CUX2: variants seen among roughly 807,000 people sequenced by gnomAD.
The protein encoded by CUX2 is homeobox protein cut-like 2.
A neutral mutation model predicts 144.8 loss-of-function variants in CUX2; 40 were observed. That is an observed-to-expected ratio of 0.28 (90% CI 0.21 to 0.36). The LOEUF is 0.36. CUX2 is among the 10% of genes least tolerant of loss of function. The pLI, the probability that CUX2 is intolerant of heterozygous loss-of-function variation, is 1.00. For synonymous variants in CUX2, 827 were observed against 875.6 expected (o/e 0.94, Z 0.98); for missense variants, 1,615 against 1,994.0 (o/e 0.81, Z 3.62).
chr12:111,049,269 C>G (rs1870150125), intron 1 of CUX2, among the ~76,000 whole-genome samples: 1 of 152,178 alleles, frequency 6.6e-6, no homozygotes, highest in Admixed American at 6.5e-5. Flanking sequence ...ATCCACCCAC[C>G]CATTCATCTA....
At chr12:111,343,903 A>C (rs1452857617) in intron 21 of CUX2, among the ~76,000 whole-genome samples, 2 of 152,168 alleles carry the variant, frequency 1.3e-5, no homozygotes, top group African/African-American at 2.4e-5. Flanking sequence ...TCTACTAAAA[A>C]TACAAAAGTT....
At chr12:111,282,865 C>T (rs993417326) in intron 4 of CUX2, among the ~76,000 whole-genome samples, 1 of 151,980 alleles carries the variant, frequency 6.6e-6, no homozygotes, top group African/African-American at 2.4e-5. Flanking sequence ...TTAATGTCCG[C>T]ACCTCCCCCC....
At position 111,318,238 on chromosome 12, in the gene CUX2, C is replaced by CTT. The variant is rs955839240; in HGVS notation, c.2003-1769_2003-1768dup. Among the ~76,000 whole-genome samples the CTT allele has an allele frequency of 8.5e-3, 936 of 109,538 alleles. 41 individuals are homozygous for CTT. The East Asian group carries it at 0.11, about 13-fold the overall frequency. The allele number at this position is 109,538 out of a possible 152,430, so 71.9% of individuals were successfully genotyped here. A position where few individuals can be genotyped will look rare whatever the true frequency, so the allele number is the denominator to read the frequency against. ...CACCATGCCTGGCTAATTTTTTTTTCTTTTTTCTTTTTTTTTTTTTTTTCA... is the reference window on the plus strand; with the variant it reads ...CACCATGCCTGGCTAATTTTTTTTTCTTTTTTTTCTTTTTTTTTTTTTTTTCA... On this transcript the variant is annotated intron_variant, in intron 16 of 21. Transcript: ENST00000261726.
chr12:111,115,479 G>A (rs1874241223), intron 1 of CUX2, among the ~76,000 whole-genome samples: 1 of 151,738 alleles, frequency 6.6e-6, no homozygotes, highest in Admixed American at 6.6e-5. Flanking sequence ...TAGAGATGGG[G>A]TTTCACCATG....
At chr12:111,334,344 G>GT (rs1888246445) in intron 18 of CUX2, 97 bp from the exon 19 acceptor site, 1 of 1,363,516 alleles carries the variant, frequency 7.3e-7, no homozygotes, top group African/African-American at 1.5e-5. Flanking sequence ...CAAAATGGGT[G>GT]TTTGGCAACT....
chr12:111,254,534 G>T (rs1370037649), intron 3 of CUX2, among the ~76,000 whole-genome samples: 1 of 152,192 alleles, frequency 6.6e-6, no homozygotes, highest in Admixed American at 6.5e-5. Context: ...ACTTCCACCT[G>T]TGAGTTCAGA....
intron 1 of CUX2, among the ~76,000 whole-genome samples, chr12:111,073,888 C>A (rs1200631450): frequency 2.0e-5 from 3 of 151,864 alleles, no homozygotes; most frequent in African/African-American, 7.3e-5. Context: ...TTGAGGAGTT[C>A]AAGGCTGCAG....
intron 1 of CUX2, among the ~76,000 whole-genome samples, chr12:111,199,789 T>A (rs1215644420): frequency 6.6e-6 from 1 of 152,066 alleles, no homozygotes; most frequent in Non-Finnish European, 1.5e-5. Flanking sequence ...TGTGTTTCTG[T>A]GTGTTTGTGT....
intron 20 of CUX2, among the ~76,000 whole-genome samples, chr12:111,340,923 G>C (rs1207250101): frequency 6.6e-6 from 1 of 152,180 alleles, no homozygotes; most frequent in Non-Finnish European, 1.5e-5. Flanking sequence ...GCGAAGTCCT[G>C]TTCCAGCCAG....
At chr12:111,192,523 C>T (rs538938293) in intron 1 of CUX2, among the ~76,000 whole-genome samples, 97 of 152,168 alleles carry the variant, frequency 6.4e-4, no homozygotes, top group Non-Finnish European at 1.2e-3. Flanking sequence ...CTTTTTCCTG[C>T]TTTCACTAGA....
intron 18 of CUX2, among the ~76,000 whole-genome samples, chr12:111,329,873 G>A (rs1013207015): frequency 6.6e-6 from 1 of 152,182 alleles, no homozygotes; most frequent in African/African-American, 2.4e-5. Context: ...CTGACCTCAG[G>A]TGATCCACCC....
intron 4 of CUX2, among the ~76,000 whole-genome samples, chr12:111,268,170 G>T (rs1405197853): frequency 6.6e-6 from 1 of 152,032 alleles, no homozygotes; most frequent in Non-Finnish European, 1.5e-5. Context: ...TTCATCTCAA[G>T]ATCCTTAATT....
rs774011801 is a variant in CUX2, at chr12:111,186,188, C to T, written c.64-28012C>T. Among the ~76,000 whole-genome samples the T allele has an allele frequency of 7.9e-5, 12 of 152,160 alleles. No individual in the cohort carries two copies. Among genetic ancestry groups the T allele is most frequent in the Non-Finnish European group, 1.5e-4 (10 of 68,040 alleles). On this transcript the variant is annotated intron_variant, in intron 1 of 21. Transcript: ENST00000261726. The surrounding 1 kb of genome is among the most constrained non-coding windows in gnomAD (Gnocchi z 4.4). The stretch of plus-strand genomic sequence containing the variant: ...CTCGGCATCCATCCTGCCTTCCCTT[C>T]CCTTCTCTCCTTTCCCACATCAGCT...
chr12:111,154,677 G>A (rs1432702991), intron 1 of CUX2, among the ~76,000 whole-genome samples: 1 of 152,200 alleles, frequency 6.6e-6, no homozygotes, highest in East Asian at 1.9e-4. Context: ...CCTGGGAGAT[G>A]GAGCTGTGCG....
chr12:111,130,078 C>A (rs184090082), intron 1 of CUX2, among the ~76,000 whole-genome samples: 2 of 152,318 alleles, frequency 1.3e-5, no homozygotes, highest in East Asian at 3.9e-4. Flanking sequence ...TTCCTCAGTG[C>A]ACAGTCACTC....
In CUX2 at chr12:111,295,591, C is replaced by T. The variant is rs1282110736; in HGVS notation, c.637+182C>T. Among the ~76,000 whole-genome samples, 3 of 152,152 alleles carry T rather than the reference C, an allele frequency of 2.0e-5. No homozygotes were observed. The highest frequency in any genetic ancestry group is 2.1e-4 in the South Asian group (1 of 4,828). On this transcript the variant is annotated intron_variant, in intron 7 of 21. Coordinates refer to ENST00000261726, the MANE Select transcript of CUX2 (RefSeq NM_015267.4). The surrounding 1 kb of genome is among the most constrained non-coding windows in gnomAD (Gnocchi z 5.0). ...CTGAGCCTCTATGCCCCAGAGGCCACATTGCTGTGGAAAGAGGATTTGAGA... is the reference window on the plus strand; with the variant it reads ...CTGAGCCTCTATGCCCCAGAGGCCATATTGCTGTGGAAAGAGGATTTGAGA...
At position 111,232,170 on chromosome 12, in the gene CUX2, C is replaced by T. The variant is rs148988215; in HGVS notation, c.222+14233C>T. 9.4e-3 allele frequency among the ~76,000 whole-genome samples: 1,432 copies of T among 151,602 alleles called. 26 individuals are homozygous for T. Among genetic ancestry groups the T allele is most frequent in the African/African-American group, 0.033 (1,345 of 41,216 alleles). On this transcript the variant is annotated intron_variant, in intron 3 of 21. Transcript: ENST00000261726. ...GCAGTGAGCCGAGATCGCGCCACTG[C>T]ACTCCAGCCTGGTGACAGAGTGAGA...
Position 111,313,960 on chromosome 12 carries a change from G to T in CUX2, c.2002+1759G>T, listed in dbSNP as rs534003914. 3.3e-5 allele frequency among the ~76,000 whole-genome samples: 5 copies of T among 152,296 alleles called. No homozygotes were observed. In the East Asian group the frequency reaches 7.7e-4, roughly 24 times the overall value. On this transcript the variant is annotated intron_variant, in intron 16 of 21. Coordinates refer to ENST00000261726, the MANE Select transcript of CUX2 (RefSeq NM_015267.4). ...CAGTGTCTGCTGCCCCCTGGTGGCT[G>T]CTCCGAGCAGGTGTCCTGAATCCCT...
At chr12:111,168,901 A>G (rs1250534269) in intron 1 of CUX2, among the ~76,000 whole-genome samples, 1 of 152,054 alleles carries the variant, frequency 6.6e-6, no homozygotes, top group Non-Finnish European at 1.5e-5. Flanking sequence ...CAGGAACTCT[A>G]TGTTATAGTC....
Sources: allele counts gnomAD v4.1 joint callset (sites outside exome capture counted in the v4.1 genomes callset), GRCh38; gene constraint gnomAD v4.1.1; non-coding constraint Gnocchi (gnomAD v3.1); transcripts MANE v1.5; gene names NCBI Gene and HGNC (gene_info 2026-07-23, HGNC 2026-07-21).